Variants in PPM1H observed in about 807,000 individuals in gnomAD.
PPM1H encodes the protein protein phosphatase 1H.
A neutral mutation model predicts 54.9 loss-of-function variants in PPM1H; 27 were observed. The observed-to-expected ratio is 0.49, with a 90% CI of 0.36 to 0.68. The LOEUF (loss-of-function observed/expected upper bound fraction) is 0.68, where lower values mean the gene tolerates loss of function less well. PPM1H is among the 30% of genes least tolerant of loss of function. The pLI is 0.00. For missense variants in PPM1H, 596 were observed against 667.8 expected (o/e 0.89, Z 1.19); for synonymous variants, 305 against 270.8 (o/e 1.13, Z -1.24).
At position 62,661,167 on chromosome 12, in the gene PPM1H, C is replaced by T. The variant is rs375095364; in HGVS notation, c.1397+6011G>A. On this transcript the variant is annotated intron_variant, in intron 9 of 9. Coordinates refer to ENST00000228705, the MANE Select transcript of PPM1H (RefSeq NM_020700.2). ...TTCTCCCCAACTCCCCTGACCCTTGCCTCGCTCCTGTTTATTCTTCAGGTT... is the reference window on the plus strand; with the variant it reads ...TTCTCCCCAACTCCCCTGACCCTTGTCTCGCTCCTGTTTATTCTTCAGGTT... Among the ~76,000 whole-genome samples, 6 of 152,132 alleles carry T rather than the reference C, an allele frequency of 3.9e-5. No individual in the cohort carries two copies. The East Asian group carries it at 5.8e-4, about 15-fold the overall frequency.
At chr12:62,791,453 G>A (rs902757967) in intron 3 of PPM1H, among the ~76,000 whole-genome samples, 27 of 152,072 alleles carry the variant, frequency 1.8e-4, no homozygotes, top group African/African-American at 4.8e-4. Context: ...TTTAAAGAAC[G>A]CATATAAAGT....
At chr12:62,712,790 G>A (rs1035267627) in intron 6 of PPM1H, among the ~76,000 whole-genome samples, 11 of 152,092 alleles carry the variant, frequency 7.2e-5, no homozygotes, top group African/African-American at 1.7e-4. Flanking sequence ...TTTAAAAACC[G>A]CCTTGGGATC....
chr12:62,652,422 G>T (rs1387336197), intron 9 of PPM1H, among the ~76,000 whole-genome samples: 1 of 152,048 alleles, frequency 6.6e-6, no homozygotes, highest in Non-Finnish European at 1.5e-5. Context: ...GTAGCACATG[G>T]CTAATTAAAA....
At chr12:62,799,567 C>A (rs2076753765) in intron 3 of PPM1H, among the ~76,000 whole-genome samples, 1 of 152,090 alleles carries the variant, frequency 6.6e-6, no homozygotes, top group Non-Finnish European at 1.5e-5. Flanking sequence ...GACATCAGAG[C>A]CTCTACAGAG....
chr12:62,727,322 G>T (rs949196509), intron 5 of PPM1H, among the ~76,000 whole-genome samples: 2 of 152,156 alleles, frequency 1.3e-5, no homozygotes, highest in African/African-American at 4.8e-5. Context: ...ATTCTGACCT[G>T]CTCTACACAA....
chr12:62,788,232 TC>T lies in PPM1H; in HGVS notation c.862del (p.Asp288IlefsTer5). 6.3e-7 allele frequency: 1 copy of T among 1,583,486 alleles called. No homozygotes were observed. Among genetic ancestry groups the T allele is most frequent in the Non-Finnish European group, 8.6e-7 (1 of 1,160,292 alleles). On this transcript the variant is annotated frameshift_variant, in exon 4 of 10. Coordinates refer to ENST00000228705, the MANE Select transcript of PPM1H (RefSeq NM_020700.2). LOFTEE classifies it high-confidence loss of function. Reference protein sequence around the residue: ...LGKLYVANAGDSRAIIIRNGE... With the variant: ...LGKLYVANAGXSRAIIIRNGE... Reference sequence around the variant, plus strand: ...AGACAGCTCATCTGCTTACCTGCTATCCCCAGCATTTGCAACATACAGCTTC... The same window carrying T: ...AGACAGCTCATCTGCTTACCTGCTATCCCAGCATTTGCAACATACAGCTTC...
chr12:62,830,551 A>G (rs529825806), intron 2 of PPM1H, among the ~76,000 whole-genome samples: 13 of 152,256 alleles, frequency 8.5e-5, no homozygotes, highest in Middle Eastern at 3.4e-3. Flanking sequence ...CACCGCACCC[A>G]GCCTGTTATT....
intron 3 of PPM1H, among the ~76,000 whole-genome samples, chr12:62,797,015 T>C (rs2076738244): frequency 6.6e-6 from 1 of 152,148 alleles, no homozygotes; most frequent in East Asian, 1.9e-4. Flanking sequence ...CTTTGAAGAT[T>C]TCAAGGATTT....
rs374933882 is a variant in PPM1H at position 62,709,344 on chromosome 12, C to G, written c.1073+10827G>C. 3.9e-5 allele frequency among the ~76,000 whole-genome samples: 6 copies of G among 152,198 alleles called. No homozygotes were observed. The South Asian group carries it at 8.3e-4, about 21-fold the overall frequency. On this transcript the variant is annotated intron_variant, in intron 6 of 9. Coordinates refer to ENST00000228705, the MANE Select transcript of PPM1H (RefSeq NM_020700.2). The stretch of plus-strand genomic sequence containing the variant: ...AATAAAGGGTTAATGCCTGGCACAG[C>G]AGGGAGGCTTCTAGGACCCTGCTGC...
chr12:62,932,756 T>C (rs1437305101), intron 1 of PPM1H, among the ~76,000 whole-genome samples: 1 of 146,008 alleles, frequency 6.8e-6, no homozygotes, highest in East Asian at 2.1e-4. Flanking sequence ...CGCCTCAGCC[T>C]CCCGAGTAGC....
At chr12:62,766,462 A>G (rs542772978) in intron 4 of PPM1H, among the ~76,000 whole-genome samples, 5 of 152,192 alleles carry the variant, frequency 3.3e-5, no homozygotes, top group Non-Finnish European at 7.3e-5. Context: ...CCTTGCGCTT[A>G]TTAGAAGTGG....
chr12:62,830,935 G>C (rs76283996), intron 2 of PPM1H, among the ~76,000 whole-genome samples: 43,109 of 151,480 alleles, frequency 0.28, 7,692 homozygotes, highest in African/African-American at 0.51. Context: ...CTCACTGCAA[G>C]CTCTGCCTCC....
At chr12:62,804,776 C>T (rs1323570327) in intron 2 of PPM1H, among the ~76,000 whole-genome samples, 3 of 146,694 alleles carry the variant, frequency 2.0e-5, no homozygotes, top group East Asian at 2.0e-4. Flanking sequence ...CCCAGGTTCA[C>T]GCCATTCTCC....
At chr12:62,801,358 C>T (rs1243149137) in intron 3 of PPM1H, among the ~76,000 whole-genome samples, 2 of 151,816 alleles carry the variant, frequency 1.3e-5, no homozygotes. Flanking sequence ...CGGTCTGTTG[C>T]TCAGGCTGGA....
intron 1 of PPM1H, among the ~76,000 whole-genome samples, chr12:62,832,704 A>C (rs1868387427): frequency 6.6e-6 from 1 of 152,188 alleles, no homozygotes; most frequent in Non-Finnish European, 1.5e-5. Flanking sequence ...CAATCTTATC[A>C]AGGTACATGG....
chr12:62,699,848 C>A (rs1245389080), intron 6 of PPM1H, among the ~76,000 whole-genome samples: 1 of 152,202 alleles, frequency 6.6e-6, no homozygotes, highest in Non-Finnish European at 1.5e-5. Context: ...ATCTAGGAAC[C>A]TTACCCAACA....
intron 8 of PPM1H, among the ~76,000 whole-genome samples, chr12:62,683,413 G>A (rs988364307): frequency 1.3e-5 from 2 of 152,160 alleles, no homozygotes; most frequent in African/African-American, 4.8e-5. Context: ...CCTTAAGGAA[G>A]AGAAAAGACA....
intron 1 of PPM1H, among the ~76,000 whole-genome samples, chr12:62,876,494 C>T (rs1234669380): frequency 6.6e-6 from 1 of 152,122 alleles, no homozygotes; most frequent in East Asian, 1.9e-4. Flanking sequence ...CCTATGAAGG[C>T]AAGTAATCAA....
At chr12:62,769,926 T>C (rs947349690) in intron 4 of PPM1H, among the ~76,000 whole-genome samples, 4 of 152,184 alleles carry the variant, frequency 2.6e-5, no homozygotes, top group Non-Finnish European at 5.9e-5. Context: ...GAATAGTCGA[T>C]TATCTATTCA....
Sources: gnomAD v4.1 joint callset for allele counts (sites outside exome capture counted in the v4.1 genomes callset) on GRCh38, gnomAD v4.1.1 for gene constraint, MANE v1.5 for transcripts, NCBI Gene and HGNC (gene_info 2026-07-23, HGNC 2026-07-21) for gene names.